Variants in MDM1 observed in about 807,000 individuals in gnomAD.
The protein encoded by MDM1 is stabilizer of axonemal microtubules 6.
In MDM1, 61 loss-of-function variants were observed where a neutral mutation model predicts 89.1. The observed-to-expected ratio is 0.68, with a 90% CI of 0.56 to 0.85. The LOEUF is 0.85. Ranked by LOEUF, MDM1 falls within the 40% of genes least tolerant of loss-of-function variation. The probability of loss-of-function intolerance (pLI) is 0.00; values close to 1 mark genes in which losing one functional copy is unlikely to be tolerated. For missense variants in MDM1, 820 were observed against 846.5 expected (o/e 0.97, Z 0.39); for synonymous variants, 290 against 294.1 (o/e 0.99, Z 0.14).
intron 12 of MDM1, among the ~76,000 whole-genome samples, chr12:68,303,498 G>A (rs932654755): frequency 1.3e-5 from 2 of 151,972 alleles, no homozygotes; most frequent in Admixed American, 6.6e-5. Context: ...AATAATACTT[G>A]GGGAGTACTC....
In MDM1 at chr12:68,315,161, A is replaced by G. The variant is rs1874301451; in HGVS notation, c.1316T>C (p.Leu439Ser). The G allele has an allele frequency of 6.2e-7, 1 of 1,613,588 alleles. No homozygotes were observed. The highest frequency in any genetic ancestry group is 1.7e-5 in the Admixed American group (1 of 59,952). The change falls in exon 10 of 15, where the codon TTG becomes TCG. Residue 439 changes from leucine (L) to serine (S), a missense_variant. Transcript: ENST00000682720. ...EQPQKNTTEKLGVSAPTIPVR... is the reference protein window; with the variant it reads ...EQPQKNTTEKSGVSAPTIPVR... ...GGGTATGGTGGGAGCTGACACACCCAATTTCTCCGTGGTATTTTTCTGGGG... is the reference window on the plus strand; with the variant it reads ...GGGTATGGTGGGAGCTGACACACCCGATTTCTCCGTGGTATTTTTCTGGGG...
At chr12:68,327,263 G>T in intron 2 of MDM1, 1 of 1,402,270 alleles carries the variant, frequency 7.1e-7, no homozygotes, top group South Asian at 1.8e-5. Context: ...AAAAATCAGG[G>T]GGTCACAAAA....
chr12:68,305,562 GA>G (rs1872754793), intron 12 of MDM1, among the ~76,000 whole-genome samples: 1 of 152,014 alleles, frequency 6.6e-6, no homozygotes, highest in African/African-American at 2.4e-5. Flanking sequence ...AAAGTTTCAG[GA>G]TACAAAAATT....
intron 10 of MDM1, among the ~76,000 whole-genome samples, chr12:68,314,158 G>GTTC (rs983845017): frequency 1.4e-5 from 2 of 143,564 alleles, no homozygotes; most frequent in African/African-American, 2.5e-5. Flanking sequence ...AAAAAAACTT[G>GTTC]TAAGAGAAGG....
In MDM1 at chr12:68,332,344, C is replaced by A; in HGVS notation, c.-99G>T. 1 of 1,395,912 alleles carries A rather than the reference C, an allele frequency of 7.2e-7. No individual in the cohort carries two copies. Among genetic ancestry groups the A allele is most frequent in the Non-Finnish European group, 9.6e-7 (1 of 1,046,068 alleles). The allele number at this position is 1,395,912 out of a possible 1,614,324, so 86.5% of individuals were successfully genotyped here. A position where few individuals can be genotyped will look rare whatever the true frequency, so the allele number is the denominator to read the frequency against. The stretch of plus-strand genomic sequence containing the variant: ...CAGTGTTCCCTAGCAAAGCCTCGGC[C>A]CGGCGTCCCCGACTACGCGCCGGCG... On this transcript the variant is annotated 5_prime_UTR_variant, in exon 1 of 15. Coordinates refer to ENST00000682720, the MANE Select transcript of MDM1 (RefSeq NM_001354969.2).
Position 68,331,109 on chromosome 12 carries a change from A to C in MDM1, c.131T>G (p.Leu44Ter). Reference sequence around the variant, plus strand: ...GGCTATTAGCCTGCTCAACTTACCTAATTGATCTGATCTAAGTCCAGCCCA... The same window carrying C: ...GGCTATTAGCCTGCTCAACTTACCTCATTGATCTGATCTAAGTCCAGCCCA... ...YPWAGLRSDQ[L>*]GITKEPSFIS... Residue 44 changes from leucine to a stop codon, truncating the protein, a stop_gained and splice_region_variant, in exon 2 of 15, where the codon TTA becomes TGA. Transcript: ENST00000682720. LOFTEE classifies it high-confidence loss of function. 1.9e-6 allele frequency: 3 copies of C among 1,564,324 alleles called. No homozygotes were observed. The South Asian group carries it at 3.3e-5, about 17-fold the overall frequency.
chr12:68,332,153 G>C (rs535269260), intron 1 of MDM1, 75 bp downstream of exon 1: 19 of 1,500,382 alleles, frequency 1.3e-5, no homozygotes, highest in Admixed American at 8.5e-5. Context: ...GAAAAGCAGC[G>C]TGACCTCGGC....
chr12:68,325,844 C>T (rs1461082791), intron 3 of MDM1: 1 of 1,066,828 alleles, frequency 9.4e-7, no homozygotes, highest in Admixed American at 5.4e-5. Context: ...ACTCTCAGTC[C>T]TTTCCTACTA....
At chr12:68,308,120 G>A (rs868410609) in intron 12 of MDM1, among the ~76,000 whole-genome samples, 17 of 149,076 alleles carry the variant, frequency 1.1e-4, no homozygotes, top group African/African-American at 3.5e-4. Context: ...TGCACTTGCT[G>A]TTCCTTCTTT....
intron 5 of MDM1, among the ~76,000 whole-genome samples, chr12:68,322,420 G>C (rs905466047): frequency 1.3e-5 from 2 of 152,128 alleles, no homozygotes; most frequent in African/African-American, 2.4e-5. Flanking sequence ...ATCACCTGAG[G>C]CTAGTAGTTC....
intron 3 of MDM1, chr12:68,326,431 A>G: frequency 4.1e-6 from 6 of 1,456,702 alleles, no homozygotes; most frequent in Non-Finnish European, 5.4e-6. Flanking sequence ...GGTCCATCCA[A>G]TAAACAGATT....
chr12:68,312,083 G>C (rs1169864713), intron 12 of MDM1, among the ~76,000 whole-genome samples: 1 of 151,872 alleles, frequency 6.6e-6, no homozygotes, highest in East Asian at 1.9e-4. Context: ...AAAAAACTGG[G>C]GTTTAGACCT....
chr12:68,329,450 C>T (rs1035489918), intron 2 of MDM1, among the ~76,000 whole-genome samples: 3 of 152,182 alleles, frequency 2.0e-5, no homozygotes, highest in East Asian at 1.9e-4. Flanking sequence ...ATGCCATGCT[C>T]GCACACATCA....
intron 12 of MDM1, 112 bp from the exon 13 acceptor site, chr12:68,302,984 G>GACACC: frequency 2.1e-6 from 2 of 950,346 alleles, no homozygotes; most frequent in Non-Finnish European, 3.0e-6. Context: ...GGAGAAATAT[G>GACACC]AGAGAATTTA....
chr12:68,332,176 C>A, intron 1 of MDM1, 52 bp downstream of exon 1: 1 of 1,507,786 alleles, frequency 6.6e-7, no homozygotes, highest in Middle Eastern at 1.7e-4. Context: ...TCCACACCTC[C>A]CCGGCCATGG....
At chr12:68,308,184 GGCGCGATCTCA>G (rs1186067524) in intron 12 of MDM1, among the ~76,000 whole-genome samples, 1 of 149,084 alleles carries the variant, frequency 6.7e-6, no homozygotes, top group Non-Finnish European at 1.5e-5. Context: ...GGAGTGCAGT[GGCGCGATCTCA>G]GCTCACTGCA....
chr12:68,310,276 C>T (rs1873502617), intron 12 of MDM1, among the ~76,000 whole-genome samples: 1 of 152,162 alleles, frequency 6.6e-6, no homozygotes, highest in Non-Finnish European at 1.5e-5. Context: ...AGGCCAGAAA[C>T]TTATTTTAGA....
chr12:68,301,304 T>C (rs188390298), intron 13 of MDM1, among the ~76,000 whole-genome samples: 80 of 152,328 alleles, frequency 5.3e-4, no homozygotes, highest in Middle Eastern at 6.8e-3. Context: ...ATAATGTCTT[T>C]TGCAGCAACT....
At position 68,296,986 on chromosome 12, in the gene MDM1, A is replaced by T. The variant is rs1454667105; in HGVS notation, c.2003-4T>A. 2.8e-6 allele frequency: 2 copies of T among 711,194 alleles called. No homozygotes were observed. Among genetic ancestry groups the T allele is most frequent in the East Asian group, 5.4e-5 (1 of 18,622 alleles). The allele number at this position is 711,194 out of a possible 1,614,324, so 44.1% of individuals were successfully genotyped here. ...TTGTTCATCCTTGCTTTTCCCACTT[A>T]AAAAAAAAAAGGCAGAATAAATTAT... On this transcript the variant is annotated splice_polypyrimidine_tract_variant and splice_region_variant and intron_variant, in intron 13 of 14. Transcript: ENST00000682720.
Sources: gnomAD v4.1 joint callset for allele counts (sites outside exome capture counted in the v4.1 genomes callset) on GRCh38, gnomAD v4.1.1 for gene constraint, MANE v1.5 for transcripts, NCBI Gene and HGNC (gene_info 2026-07-23, HGNC 2026-07-21) for gene names.